HIP1: variants seen among roughly 807,000 people sequenced by gnomAD.
HIP1 encodes huntingtin interacting protein 1.
Under a neutral mutation model 147.6 loss-of-function variants are expected in HIP1, and 65 were observed. That is an observed-to-expected ratio of 0.44 (90% CI 0.36 to 0.54). The LOEUF (loss-of-function observed/expected upper bound fraction) is 0.54. HIP1 is among the 20% of genes least tolerant of loss of function. The probability of loss-of-function intolerance (pLI) is 0.00; values close to 1 mark genes in which losing one functional copy is unlikely to be tolerated. For missense variants in HIP1, 1,061 were observed against 1,299.6 expected, an observed-to-expected ratio of 0.82 and a Z score of 2.82; for synonymous variants, 479 against 504.0, an observed-to-expected ratio of 0.95 and a Z score of 0.67.
intron 1 of HIP1, among the ~76,000 whole-genome samples, chr7:75,605,336 A>AT: frequency 6.6e-6 from 1 of 152,278 alleles, no homozygotes; most frequent in Middle Eastern, 3.4e-3. Context: ...GTGGAAGGGC[A>AT]TGGAGCATGC....
intron 1 of HIP1, among the ~76,000 whole-genome samples, chr7:75,705,360 CCTTT>C (rs1470175036): frequency 6.6e-6 from 1 of 151,624 alleles, no homozygotes; most frequent in Non-Finnish European, 1.5e-5. Flanking sequence ...AGGATCTCTA[CCTTT>C]TTTTTTTTTC....
chr7:75,734,183 T>C (rs1209411053), intron 1 of HIP1, among the ~76,000 whole-genome samples: 2 of 151,466 alleles, frequency 1.3e-5, no homozygotes, highest in South Asian at 2.1e-4. Flanking sequence ...GAGGCGAAGG[T>C]TGTAGTGAAC....
At chr7:75,715,456 C>CAG (rs782012723) in intron 1 of HIP1, among the ~76,000 whole-genome samples, 2,383 of 143,500 alleles carry the variant, frequency 0.017, 25 homozygotes, top group South Asian at 0.019. Flanking sequence ...GAGAGACACA[C>CAG]ACAGAGAGAG....
intron 1 of HIP1, among the ~76,000 whole-genome samples, chr7:75,666,094 G>T (rs1563280682): frequency 1.3e-5 from 2 of 152,016 alleles, no homozygotes; most frequent in Non-Finnish European, 2.9e-5. Context: ...AGAGGCTGGG[G>T]GATGTGGGAT....
chr7:75,687,661 A>G (rs1423233386), intron 1 of HIP1, among the ~76,000 whole-genome samples: 2 of 152,202 alleles, frequency 1.3e-5, no homozygotes, highest in Admixed American at 1.3e-4. Flanking sequence ...ATTGCACTCC[A>G]GCCTGGGAGA....
chr7:75,589,413 G>A (rs1010747009), intron 4 of HIP1, among the ~76,000 whole-genome samples: 23 of 152,018 alleles, frequency 1.5e-4, no homozygotes, highest in Non-Finnish European at 2.8e-4. Context: ...GGCTGGGCGC[G>A]ATGGCTGATG....
chr7:75,641,492 G>GTTTT (rs111549394), intron 1 of HIP1, among the ~76,000 whole-genome samples: 1 of 147,576 alleles, frequency 6.8e-6, no homozygotes, highest in African/African-American at 2.5e-5. Flanking sequence ...CTCCTTGTTT[G>GTTTT]CTTTTTTTTT....
At chr7:75,673,835 A>AAAAAAAAC (rs1799802581) in intron 1 of HIP1, among the ~76,000 whole-genome samples, 1 of 150,516 alleles carries the variant, frequency 6.6e-6, no homozygotes, top group Non-Finnish European at 1.5e-5. Flanking sequence ...AAAAAAAAAA[A>AAAAAAAAC]ATTAGCTGGG....
intron 1 of HIP1, among the ~76,000 whole-genome samples, chr7:75,603,830 C>T (rs1797109587): frequency 6.6e-6 from 1 of 151,838 alleles, no homozygotes; most frequent in East Asian, 1.9e-4. Flanking sequence ...CCGTGATCGC[C>T]CCCACTGCAT....
chr7:75,640,635 C>T (rs1408100950), intron 1 of HIP1, among the ~76,000 whole-genome samples: 1 of 151,930 alleles, frequency 6.6e-6, no homozygotes, highest in Non-Finnish European at 1.5e-5. Flanking sequence ...CGCCTATAAT[C>T]CCAGCTACTC....
chr7:75,710,554 T>A (rs6467446), intron 1 of HIP1, among the ~76,000 whole-genome samples: 81,915 of 151,912 alleles, frequency 0.54, 22,648 homozygotes, highest in African/African-American at 0.65. Context: ...TTCTCTTCAA[T>A]TTTTTGGAAA....
intron 1 of HIP1, among the ~76,000 whole-genome samples, chr7:75,605,101 C>A (rs1797173702): frequency 6.6e-6 from 1 of 152,066 alleles, no homozygotes; most frequent in African/African-American, 2.4e-5. Flanking sequence ...CAGCCATTAC[C>A]CACTTCTGTC....
chr7:75,712,619 CACTT>C (rs1357214144), intron 1 of HIP1, among the ~76,000 whole-genome samples: 1 of 152,158 alleles, frequency 6.6e-6, no homozygotes, highest in African/African-American at 2.4e-5. Context: ...CATTCACTCT[CACTT>C]ATTCACTCAC....
rs1584774786 is a variant in HIP1, at chr7:75,544,643, G to A, written c.2766+52C>T. Reference sequence around the variant, plus strand: ...GCCAAGTACTCTTTAACCTAGCCTAGTACTCTCTAACCAGGCCTTCCAGCG... The same window carrying A: ...GCCAAGTACTCTTTAACCTAGCCTAATACTCTCTAACCAGGCCTTCCAGCG... On this transcript the variant is annotated intron_variant, in intron 27 of 30. Transcript: ENST00000336926. 3 of 1,081,872 alleles carry A rather than the reference G, an allele frequency of 2.8e-6. No individual in the cohort carries two copies. The East Asian group carries it at 7.1e-5, about 25-fold the overall frequency. 67.0% of individuals were successfully genotyped at this position (1,081,872 alleles called of 1,614,324 possible). A position where few individuals can be genotyped will look rare whatever the true frequency, so the allele number is the denominator to read the frequency against.
At chr7:75,720,078 G>A (rs1055153985) in intron 1 of HIP1, among the ~76,000 whole-genome samples, 22 of 152,192 alleles carry the variant, frequency 1.4e-4, no homozygotes, top group Non-Finnish European at 4.4e-5. Flanking sequence ...AGACGATAGA[G>A]AGTGGTGGGG....
At chr7:75,551,087 A>G (rs587719029) in intron 22 of HIP1, among the ~76,000 whole-genome samples, 1 of 152,188 alleles carries the variant, frequency 6.6e-6, no homozygotes, top group African/African-American at 2.4e-5. Context: ...GGAGTGAAAA[A>G]GCCAGTTGTA....
chr7:75,663,559 G>A (rs1799382926), intron 1 of HIP1, among the ~76,000 whole-genome samples: 1 of 151,948 alleles, frequency 6.6e-6, no homozygotes, highest in Non-Finnish European at 1.5e-5. Flanking sequence ...GCAGATCTGA[G>A]TTTTTGATGC....
At chr7:75,602,585 C>G (rs1165269999) in intron 1 of HIP1, among the ~76,000 whole-genome samples, 1 of 147,358 alleles carries the variant, frequency 6.8e-6, no homozygotes, top group African/African-American at 2.5e-5. Context: ...TCACTGCAAC[C>G]TCTGCCTCCT....
chr7:75,538,116 C>T lies in HIP1; in HGVS notation c.*56G>A. Reference sequence around the variant, plus strand: ...ATTTGGCCTGTGGCTGGGGAAATAACACACACGAGATAGGTAACAAGGATT... The same window carrying T: ...ATTTGGCCTGTGGCTGGGGAAATAATACACACGAGATAGGTAACAAGGATT... On this transcript the variant is annotated 3_prime_UTR_variant, in exon 31 of 31. Transcript: ENST00000336926. The T allele has an allele frequency of 6.9e-7, 1 of 1,438,850 alleles. No individual in the cohort carries two copies. Among genetic ancestry groups the T allele is most frequent in the South Asian group, 1.1e-5 (1 of 87,506 alleles). 89.1% of individuals were successfully genotyped at this position (1,438,850 alleles called of 1,614,324 possible).
Sources: allele counts gnomAD v4.1 joint callset (sites outside exome capture counted in the v4.1 genomes callset), GRCh38; gene constraint gnomAD v4.1.1; transcripts MANE v1.5; gene names NCBI Gene and HGNC (gene_info 2026-07-23, HGNC 2026-07-21).